ZFAT: variants seen among roughly 807,000 people sequenced by gnomAD.
ZFAT encodes zinc finger protein ZFAT.
A neutral mutation model predicts 117.7 loss-of-function variants in ZFAT; 64 were observed. The observed-to-expected ratio is 0.54, with a 90% confidence interval of 0.44 to 0.67. The LOEUF is 0.67. Among genes scored for constraint, ZFAT ranks in the 30% least tolerant of loss-of-function variants. The pLI is 0.00. For synonymous variants in ZFAT, 679 were observed against 615.0 expected (o/e 1.10, Z -1.54); for missense variants, 1,433 against 1,584.5 (o/e 0.90, Z 1.62).
chr8:134,573,221 G>C (rs1825057635), intron 10 of ZFAT, among the ~76,000 whole-genome samples: 1 of 152,106 alleles, frequency 6.6e-6, no homozygotes, highest in Admixed American at 6.6e-5. Context: ...GTACACTCCT[G>C]AACTGTGCAT....
the ZFAT span, among the ~76,000 whole-genome samples, chr8:134,751,967 C>T: frequency 1.4e-4 from 21 of 152,298 alleles, 3 homozygotes; most frequent in Admixed American, 1.1e-3. Flanking sequence ...AGACTTAGTA[C>T]ATGTTTGTTG....
intron 11 of ZFAT, among the ~76,000 whole-genome samples, chr8:134,554,725 C>T (rs576961558): frequency 2.4e-4 from 37 of 152,172 alleles, no homozygotes; most frequent in African/African-American, 7.5e-4. Flanking sequence ...CATCCTGAAA[C>T]GCTGGCAGCT....
the ZFAT span, among the ~76,000 whole-genome samples, chr8:134,747,960 T>C: frequency 1.3e-5 from 2 of 152,258 alleles, no homozygotes; most frequent in Non-Finnish European, 1.5e-5. Flanking sequence ...TTATTTCTGA[T>C]AATAAATGTG....
At chr8:134,632,209 G>A (rs1308081941) in intron 3 of ZFAT, among the ~76,000 whole-genome samples, 1 of 152,142 alleles carries the variant, frequency 6.6e-6, no homozygotes, top group Non-Finnish European at 1.5e-5. Flanking sequence ...TCTTTATGAT[G>A]ATCCACTTCC....
chr8:134,696,330 T>G (rs1833840074), intron 1 of ZFAT: 1 of 964,376 alleles, frequency 1.0e-6, no homozygotes, highest in Non-Finnish European at 1.2e-6. Flanking sequence ...TGCCAGGAGT[T>G]GCTATAGGCG....
At chr8:134,497,171 T>C (rs1032133303) in intron 15 of ZFAT, among the ~76,000 whole-genome samples, 6 of 151,840 alleles carry the variant, frequency 4.0e-5, no homozygotes, top group Admixed American at 1.3e-4. Flanking sequence ...TGGTGGGCGA[T>C]GGAGAGCTTC....
intron 1 of ZFAT, among the ~76,000 whole-genome samples, chr8:134,671,171 G>T (rs190338237): frequency 3.3e-5 from 5 of 152,252 alleles, no homozygotes; most frequent in Admixed American, 3.3e-4. Flanking sequence ...TTCTACCAGA[G>T]GTACAAGGAG....
the ZFAT span, among the ~76,000 whole-genome samples, chr8:134,773,986 T>TTG: frequency 2.2e-3 from 108 of 48,842 alleles, 2 homozygotes; most frequent in African/African-American, 7.3e-3. Context: ...GAGGATTAAT[T>TTG]TTTTTTTTTT....
intron 2 of ZFAT, among the ~76,000 whole-genome samples, chr8:134,651,113 A>G (rs115161321): frequency 0.012 from 1,892 of 152,328 alleles, 35 homozygotes; most frequent in African/African-American, 0.043. Context: ...CCCATTGAAA[A>G]AAGTTTGACA....
At chr8:134,660,972 T>C (rs1831895285) in intron 1 of ZFAT, among the ~76,000 whole-genome samples, 1 of 152,242 alleles carries the variant, frequency 6.6e-6, no homozygotes, top group South Asian at 2.1e-4. Context: ...TACTCAGCTC[T>C]CTCAGGCAGG....
intron 1 of ZFAT, among the ~76,000 whole-genome samples, chr8:134,664,852 C>G (rs1563742732): frequency 6.6e-6 from 1 of 152,224 alleles, no homozygotes; most frequent in Non-Finnish European, 1.5e-5. Flanking sequence ...ACTGTGCACT[C>G]ATCCTTATCA....
At chr8:134,487,156 T>C (rs1817718190) in intron 15 of ZFAT, among the ~76,000 whole-genome samples, 1 of 152,188 alleles carries the variant, frequency 6.6e-6, no homozygotes, top group African/African-American at 2.4e-5. Flanking sequence ...GGGCATGGCT[T>C]TGTGTCCATT....
At chr8:134,784,676 T>C in the ZFAT span, 1 of 152,200 alleles carries the variant, frequency 6.6e-6, no homozygotes, top group African/African-American at 2.4e-5. Flanking sequence ...AATTGTTTTA[T>C]CATACATATG....
chr8:134,742,592 C>G, the ZFAT span, among the ~76,000 whole-genome samples: 1 of 152,208 alleles, frequency 6.6e-6, no homozygotes. Context: ...GCTCCCACCT[C>G]TCTCCAGACT....
At chr8:134,810,311 G>A in the ZFAT span, among the ~76,000 whole-genome samples, 2 of 152,150 alleles carry the variant, frequency 1.3e-5, no homozygotes, top group Non-Finnish European at 2.9e-5. Flanking sequence ...AAGGATTGAA[G>A]AGACCTTAAC....
chr8:134,558,713 G>A (rs1823830882), intron 11 of ZFAT, among the ~76,000 whole-genome samples: 3 of 152,096 alleles, frequency 2.0e-5, no homozygotes, highest in African/African-American at 7.2e-5. Context: ...CAAGAGATAG[G>A]GGAGGAAACA....
At chr8:134,546,610 T>C (rs1822715644) in intron 11 of ZFAT, among the ~76,000 whole-genome samples, 1 of 152,170 alleles carries the variant, frequency 6.6e-6, no homozygotes, top group Admixed American at 6.5e-5. Flanking sequence ...TTACCTCTCT[T>C]TTATTTCTGG....
At chr8:134,532,782 C>G in intron 12 of ZFAT, 52 bp downstream of exon 12, 1 of 1,593,442 alleles carries the variant, frequency 6.3e-7, no homozygotes, top group Non-Finnish European at 8.5e-7. Flanking sequence ...CAATGGGGGA[C>G]TTGGCCTAAA....
At position 134,658,555 on chromosome 8, in the gene ZFAT, T is replaced by A. The variant is rs1052086839; in HGVS notation, c.20-818A>T. Among the ~76,000 whole-genome samples, 4 of 152,186 alleles carry A rather than the reference T, an allele frequency of 2.6e-5. No homozygotes were observed. In the South Asian group the frequency reaches 6.2e-4, roughly 24 times the overall value. ...CACTGAATTCCTATTTAAAGCACTC[T>A]CATTGTTCAAAAAATTTACCAATAG... is the stretch of plus-strand genomic sequence containing the variant. On this transcript the variant is annotated intron_variant, in intron 1 of 15. Transcript: ENST00000377838.
Sources: gnomAD v4.1 joint callset for allele counts (sites outside exome capture counted in the v4.1 genomes callset) on GRCh38, gnomAD v4.1.1 for gene constraint, MANE v1.5 for transcripts, NCBI Gene and HGNC (gene_info 2026-07-23, HGNC 2026-07-21) for gene names.